Variants in BRINP1 observed in about 807,000 individuals in gnomAD.
The protein encoded by BRINP1 is BMP/retinoic acid-inducible neural-specific protein 1.
BRINP1 carries 17 observed loss-of-function variants against 72.9 expected under a neutral mutation model. The ratio of observed to expected loss-of-function variants is 0.23; its 90% CI spans 0.16 to 0.35. The LOEUF is 0.35. BRINP1 is among the 10% of genes least tolerant of loss of function. The pLI is 1.00. For synonymous variants in BRINP1, 418 were observed against 378.5 expected, an observed-to-expected ratio of 1.10 and a Z score of -1.21; for missense variants, 850 against 1,001.6, an observed-to-expected ratio of 0.85 and a Z score of 2.04.
At chr9:119,318,582 C>G (rs1831149769) in intron 1 of BRINP1, among the ~76,000 whole-genome samples, 1 of 152,058 alleles carries the variant, frequency 6.6e-6, no homozygotes, top group South Asian at 2.1e-4. Flanking sequence ...ACAACTACGG[C>G]TGCCAAACTG....
At position 119,208,768 on chromosome 9, in the gene BRINP1, G is replaced by A; in HGVS notation, c.1096C>T (p.Leu366Phe). Residue 366 changes from leucine (L) to phenylalanine (F), a missense_variant, in exon 7 of 8, where the codon CTC (leucine) becomes TTC (phenylalanine). Leu to Phe is a conservative substitution (Grantham distance 22). Transcript: ENST00000265922. ...IQRTARKLFG[L>F]SVRCRHNPNH... The stretch of plus-strand genomic sequence containing the variant: ...GGATTGTGGCGACAGCGTACACTGA[G>A]GCCGAAAAGCTTGCGGGCAGTGCGT... The A allele has an allele frequency of 3.1e-6, 5 of 1,613,908 alleles. No homozygotes were observed. The highest frequency in any genetic ancestry group is 4.2e-6 in the Non-Finnish European group (5 of 1,180,030).
chr9:119,354,896 T>A (rs1301090551), intron 1 of BRINP1, among the ~76,000 whole-genome samples: 1 of 152,038 alleles, frequency 6.6e-6, no homozygotes, highest in Non-Finnish European at 1.5e-5. Flanking sequence ...ATAAATCACT[T>A]GACAAATTTC....
intron 2 of BRINP1, among the ~76,000 whole-genome samples, chr9:119,295,857 C>T (rs1234101734): frequency 6.6e-6 from 1 of 152,124 alleles, no homozygotes; most frequent in Non-Finnish European, 1.5e-5. Flanking sequence ...GGAAATTGCA[C>T]CTTTATCTCA....
chr9:119,362,576 C>T (rs934217914), intron 1 of BRINP1, among the ~76,000 whole-genome samples: 11 of 152,312 alleles, frequency 7.2e-5, no homozygotes, highest in East Asian at 3.9e-4. Context: ...AGCCTTTCCA[C>T]GACAAGATAT....
In BRINP1 at chr9:119,238,820, CAA is replaced by C. The variant is rs1357754684; in HGVS notation, c.580-62_580-61del. On this transcript the variant is annotated intron_variant, in intron 4 of 7. Coordinates refer to ENST00000265922, the MANE Select transcript of BRINP1 (RefSeq NM_014618.3). ...AGCAGTCCTTGTCTAGGACATACCC[CAA>C]AGAGTCATGCCCCAGCAGAGCAAAG... 6 of 1,147,146 alleles carry C rather than the reference CAA, an allele frequency of 5.2e-6. No homozygotes were observed. In the East Asian group the frequency reaches 1.6e-4, roughly 30 times the overall value. 71.1% of individuals were successfully genotyped at this position (1,147,146 alleles called of 1,614,324 possible).
intron 2 of BRINP1, among the ~76,000 whole-genome samples, chr9:119,307,653 C>T (rs1831012704): frequency 6.6e-6 from 1 of 152,192 alleles, no homozygotes; most frequent in East Asian, 1.9e-4. Flanking sequence ...TTTTAGTGTG[C>T]TCTGACGTAG....
chr9:119,208,835 C>T lies in BRINP1; in HGVS notation c.1029G>A (p.Lys343=), dbSNP rs1472296031. 9 of 1,614,158 alleles carry T rather than the reference C, an allele frequency of 5.6e-6. No homozygotes were observed. The highest frequency in any genetic ancestry group is 7.6e-6 in the Non-Finnish European group (9 of 1,180,030). ...GNDWDLQNRY[K]LLQSATEAQR... is the part of the protein sequence containing the mutation. Reference sequence around the variant, plus strand: ...GTGCCTCCGTGGCACTCTGCAGGAGCTTGTAGCGGTTCTGCAGGTCCCAGT... The same window carrying T: ...GTGCCTCCGTGGCACTCTGCAGGAGTTTGTAGCGGTTCTGCAGGTCCCAGT... Residue 343 remains lysine, a synonymous_variant, in exon 7 of 8, where the codon AAG becomes AAA. Coordinates refer to ENST00000265922, the MANE Select transcript of BRINP1 (RefSeq NM_014618.3).
At chr9:119,317,792 T>C (rs1478333644) in intron 1 of BRINP1, among the ~76,000 whole-genome samples, 1 of 152,180 alleles carries the variant, frequency 6.6e-6, no homozygotes, top group East Asian at 1.9e-4. Context: ...GCCAACAACA[T>C]TGAGGCAAGA....
At chr9:119,298,217 AGTCC>A (rs1830900706) in intron 2 of BRINP1, among the ~76,000 whole-genome samples, 1 of 152,202 alleles carries the variant, frequency 6.6e-6, no homozygotes, top group Admixed American at 6.5e-5. Context: ...AGGAATCCAA[AGTCC>A]GTCCCTCATG....
At chr9:119,245,841 G>A (rs551436567) in intron 3 of BRINP1, among the ~76,000 whole-genome samples, 28 of 152,256 alleles carry the variant, frequency 1.8e-4, no homozygotes, top group African/African-American at 6.5e-4. Flanking sequence ...AAAAATTACA[G>A]TGAATAAAAT....
At chr9:119,247,019 T>C (rs1459775078) in intron 3 of BRINP1, among the ~76,000 whole-genome samples, 1 of 152,152 alleles carries the variant, frequency 6.6e-6, no homozygotes, top group Non-Finnish European at 1.5e-5. Flanking sequence ...AAATTAAAAA[T>C]ATATTTCATT....
chr9:119,208,466 A>G (rs551100990), intron 7 of BRINP1, among the ~76,000 whole-genome samples: 1 of 152,282 alleles, frequency 6.6e-6, no homozygotes, highest in Non-Finnish European at 1.5e-5. Context: ...CCCCTCCTCA[A>G]TCAGGTGAAT....
chr9:119,282,770 A>C (rs1236609862), intron 2 of BRINP1: 1 of 982,204 alleles, frequency 1.0e-6, no homozygotes, highest in Non-Finnish European at 1.2e-6. Flanking sequence ...CCCCAAATTT[A>C]ATTTTGCCCA....
chr9:119,194,894 A>ATG (rs1829720071), intron 7 of BRINP1, among the ~76,000 whole-genome samples: 1 of 152,174 alleles, frequency 6.6e-6, no homozygotes, highest in Middle Eastern at 3.2e-3. Context: ...AAACTATAAC[A>ATG]TAATAAATCT....
At chr9:119,354,264 AATCC>A (rs1831536620) in intron 1 of BRINP1, among the ~76,000 whole-genome samples, 1 of 152,296 alleles carries the variant, frequency 6.6e-6, no homozygotes, top group Non-Finnish European at 1.5e-5. Flanking sequence ...AATAGGACAA[AATCC>A]ATCACTCATA....
At chr9:119,169,646 G>A (rs956491891) in intron 7 of BRINP1, among the ~76,000 whole-genome samples, 5 of 152,248 alleles carry the variant, frequency 3.3e-5, no homozygotes, top group African/African-American at 1.2e-4. Flanking sequence ...AAGGAGGCCT[G>A]CCTGCCTCTG....
At chr9:119,173,022 A>G (rs954102186) in intron 7 of BRINP1, among the ~76,000 whole-genome samples, 10 of 147,502 alleles carry the variant, frequency 6.8e-5, no homozygotes, top group African/African-American at 2.3e-4. Context: ...CACAGCCGAT[A>G]TCATACTGAA....
rs1396564748 is a variant in BRINP1 at position 119,208,667 on chromosome 9, T to G, written c.1145+52A>C. ...CATTTCACTCTGCAGCAAGATAATG[T>G]AGCTAACGCCAGGTAGGTGCCTGCA... On this transcript the variant is annotated intron_variant, in intron 7 of 7. Coordinates refer to ENST00000265922, the MANE Select transcript of BRINP1 (RefSeq NM_014618.3). 1.9e-6 allele frequency: 3 copies of G among 1,543,034 alleles called. No individual in the cohort carries two copies. In the East Asian group the frequency reaches 6.8e-5, roughly 35 times the overall value.
At chr9:119,297,617 G>A (rs1005898770) in intron 2 of BRINP1, among the ~76,000 whole-genome samples, 22 of 152,034 alleles carry the variant, frequency 1.4e-4, no homozygotes, top group African/African-American at 4.8e-4. Context: ...AAGTTTATTC[G>A]TTCCATTCTT....
Sources: allele counts gnomAD v4.1 joint callset (sites outside exome capture counted in the v4.1 genomes callset), GRCh38; gene constraint gnomAD v4.1.1; transcripts MANE v1.5; gene names NCBI Gene and HGNC (gene_info 2026-07-23, HGNC 2026-07-21).